DIP2C: variants seen among roughly 807,000 people sequenced by gnomAD.
The protein encoded by DIP2C is disco-interacting protein 2 homolog C.
Under a neutral mutation model 192.4 loss-of-function variants are expected in DIP2C, and 33 were observed. The ratio of observed to expected loss-of-function variants is 0.17; its 90% confidence interval spans 0.13 to 0.23. The LOEUF is 0.23. Among genes scored for constraint, DIP2C ranks in the 10% least tolerant of loss-of-function variants. The pLI is 1.00. For missense variants in DIP2C, 1,537 were observed against 2,110.1 expected (o/e 0.73, Z 5.32); for synonymous variants, 979 against 864.1 (o/e 1.13, Z -2.33).
chr10:299,696 T>A (rs556813200), intron 32 of DIP2C, among the ~76,000 whole-genome samples: 1 of 151,978 alleles, frequency 6.6e-6, no homozygotes, highest in African/African-American at 2.4e-5. Flanking sequence ...ATCAGCGGAG[T>A]GAAAACGCAA....
At chr10:545,186 T>TG (rs1223020936) in intron 1 of DIP2C, among the ~76,000 whole-genome samples, 4 of 147,658 alleles carry the variant, frequency 2.7e-5, no homozygotes, top group Non-Finnish European at 6.0e-5. Context: ...TTTTTTTTTT[T>TG]TTTGAGTTTC....
chr10:657,285 GCC>G (rs1856418374), intron 1 of DIP2C, among the ~76,000 whole-genome samples: 3 of 26,926 alleles, frequency 1.1e-4, no homozygotes, highest in Admixed American at 3.6e-4. Flanking sequence ...CCCTGGACCT[GCC>G]ACTGGACCTG....
intron 29 of DIP2C, among the ~76,000 whole-genome samples, chr10:339,710 T>C (rs1304274987): frequency 6.6e-6 from 1 of 152,206 alleles, no homozygotes; most frequent in Non-Finnish European, 1.5e-5. Context: ...TTACTCACAA[T>C]GTTATGGCAT....
At chr10:606,570 A>C (rs1441782570) in intron 1 of DIP2C, among the ~76,000 whole-genome samples, 1 of 116,342 alleles carries the variant, frequency 8.6e-6, no homozygotes, top group Non-Finnish European at 1.8e-5. Context: ...TGGGAAGGGG[A>C]TCTCTCGCCC....
intron 31 of DIP2C, among the ~76,000 whole-genome samples, chr10:313,421 T>C (rs1956642006): frequency 6.6e-6 from 1 of 152,244 alleles, no homozygotes; most frequent in South Asian, 2.1e-4. Context: ...CAGCCTTCCA[T>C]ATCTGTGAGT....
chr10:422,082 G>A (rs867406074), intron 5 of DIP2C, among the ~76,000 whole-genome samples: 16 of 152,294 alleles, frequency 1.1e-4, no homozygotes, highest in Admixed American at 8.5e-4. Flanking sequence ...CTGAGATACC[G>A]GGAGGGTCTG....
At chr10:318,885 C>CAT (rs1411269701) in intron 31 of DIP2C, among the ~76,000 whole-genome samples, 3 of 149,360 alleles carry the variant, frequency 2.0e-5, no homozygotes, top group Non-Finnish European at 4.4e-5. Context: ...AGATTTACAT[C>CAT]ATCTCCTGAG....
intron 1 of DIP2C, among the ~76,000 whole-genome samples, chr10:566,023 CAG>C (rs532338147): frequency 2.4e-4 from 37 of 152,302 alleles, no homozygotes; most frequent in South Asian, 1.7e-3. Flanking sequence ...AGAACCCTGA[CAG>C]AGAGGGGCGG....
At chr10:418,379 G>A (rs56177935) in intron 6 of DIP2C, among the ~76,000 whole-genome samples, 35,563 of 151,828 alleles carry the variant, frequency 0.23, 4,942 homozygotes, top group Middle Eastern at 0.31. Flanking sequence ...CCCGTGCACC[G>A]CAAGATGACA....
intron 24 of DIP2C, among the ~76,000 whole-genome samples, chr10:350,496 T>C (rs1958738323): frequency 1.3e-5 from 2 of 151,978 alleles, no homozygotes; most frequent in African/African-American, 2.4e-5. Flanking sequence ...TAACAACCTC[T>C]TCTTTGTGAT....
chr10:419,834 A>C (rs976354189), intron 5 of DIP2C, among the ~76,000 whole-genome samples: 2 of 152,240 alleles, frequency 1.3e-5, no homozygotes, highest in African/African-American at 4.8e-5. Context: ...ATGTGTACTA[A>C]GGATCGTGTA....
chr10:472,446 A>G lies in DIP2C; in HGVS notation c.261T>C (p.Tyr87=). ...RRSSGSRDER[Y]RSDVHTEAVQ... ...ACCCCACCCCGTGCTTACCTGACCGATAGCGCTCATCTCGTGACCCTGAAG... is the reference window on the plus strand; with the variant it reads ...ACCCCACCCCGTGCTTACCTGACCGGTAGCGCTCATCTCGTGACCCTGAAG... The change falls in exon 3 of 37, where the codon TAT becomes TAC. Residue 87 remains tyrosine, a synonymous_variant. Coordinates refer to ENST00000280886, the MANE Select transcript of DIP2C (RefSeq NM_014974.3). 1 of 1,614,116 alleles carries G rather than the reference A, an allele frequency of 6.2e-7. No individual in the cohort carries two copies. Among genetic ancestry groups the G allele is most frequent in the Middle Eastern group, 1.6e-4 (1 of 6,062 alleles).
chr10:302,944 A>G (rs1956120970), intron 32 of DIP2C, among the ~76,000 whole-genome samples: 1 of 151,580 alleles, frequency 6.6e-6, no homozygotes, highest in South Asian at 2.1e-4. Context: ...CTAAGACATC[A>G]CCTCACACGG....
chr10:281,938 A>G (rs1017427954), intron 35 of DIP2C: 1 of 152,250 alleles, frequency 6.6e-6, no homozygotes, highest in African/African-American at 2.4e-5. Context: ...TTTCCTTAAT[A>G]AGGAAATATG....
intron 1 of DIP2C, among the ~76,000 whole-genome samples, chr10:594,372 A>T (rs755627552): frequency 6.6e-6 from 1 of 151,912 alleles, no homozygotes; most frequent in Non-Finnish European, 1.5e-5. Context: ...CCATTTCAAC[A>T]TAAGGGAACA....
Position 288,558 on chromosome 10 carries a change from C to T in DIP2C, c.3987-137G>A. 3.4e-6 allele frequency: 3 copies of T among 892,134 alleles called. No homozygotes were observed. The South Asian group carries it at 4.9e-5, about 15-fold the overall frequency. The allele number at this position is 892,134 out of a possible 1,614,324, so 55.3% of individuals were successfully genotyped here. A position where few individuals can be genotyped will look rare whatever the true frequency, so the allele number is the denominator to read the frequency against. On this transcript the variant is annotated intron_variant, in intron 32 of 36. Coordinates refer to ENST00000280886, the MANE Select transcript of DIP2C (RefSeq NM_014974.3). Reference sequence around the variant, plus strand: ...GCATCATCCAACAGCAAGGACGAAGCTGCAGAAAGAGCAGCCCAGCAGCAG... The same window carrying T: ...GCATCATCCAACAGCAAGGACGAAGTTGCAGAAAGAGCAGCCCAGCAGCAG...
intron 1 of DIP2C, among the ~76,000 whole-genome samples, chr10:626,133 C>T (rs764744720): frequency 6.6e-5 from 10 of 152,332 alleles, no homozygotes; most frequent in Admixed American, 2.0e-4. Context: ...GAAACGCTAA[C>T]GAGGGCTGAC....
chr10:670,361 TACAC>T (rs904527896), intron 1 of DIP2C, among the ~76,000 whole-genome samples: 5 of 151,936 alleles, frequency 3.3e-5, no homozygotes, highest in Non-Finnish European at 5.9e-5. Context: ...TACATACACA[TACAC>T]ACATGCACAC....
rs1428113762 is a variant in DIP2C at position 329,540 on chromosome 10, A to G, written c.3646T>C (p.Leu1216=). The change falls in exon 30 of 37, where the codon TTG becomes CTG. Residue 1216 remains leucine, a synonymous_variant. Transcript: ENST00000280886. ...TACTGACTCACGGCAAGAAGCCACA[A>G]GGCGGGGTTGGTTTCCAGCTCAGAG... ...PPSELETNPA[L]WLLAVSQYKV... The G allele has an allele frequency of 1.2e-6, 2 of 1,614,202 alleles. No individual in the cohort carries two copies. The highest frequency in any genetic ancestry group is 1.7e-6 in the Non-Finnish European group (2 of 1,180,030).
Sources: gnomAD v4.1 joint callset for allele counts (sites outside exome capture counted in the v4.1 genomes callset) on GRCh38, gnomAD v4.1.1 for gene constraint, MANE v1.5 for transcripts, NCBI Gene and HGNC (gene_info 2026-07-23, HGNC 2026-07-21) for gene names.